ITIH5: variants seen among roughly 807,000 people sequenced by gnomAD.
The protein encoded by ITIH5 is inter-alpha-trypsin inhibitor heavy chain 5.
In ITIH5, 65 loss-of-function variants were observed where a neutral mutation model predicts 77.5. That is an observed-to-expected ratio of 0.84 (90% confidence interval 0.69 to 1.03). The LOEUF is 1.03. Ranked by LOEUF, ITIH5 falls within the 50% of genes least tolerant of loss-of-function variation. The probability of loss-of-function intolerance (pLI) is 0.00; values close to 1 mark genes in which losing one functional copy is unlikely to be tolerated. For missense variants in ITIH5, 1,208 were observed against 1,213.1 expected (o/e 1.00, Z 0.06); for synonymous variants, 525 against 494.3 (o/e 1.06, Z -0.82).
At chr10:7,570,061 A>G in intron 11 of ITIH5, 2 of 254,244 alleles carry the variant, frequency 7.9e-6, no homozygotes, top group Non-Finnish European at 1.5e-5. Flanking sequence ...CTAGACAACT[A>G]AGCTTTGAGA....
At chr10:7,578,892 G>T (rs528747680) in intron 9 of ITIH5, among the ~76,000 whole-genome samples, 3 of 152,284 alleles carry the variant, frequency 2.0e-5, no homozygotes, top group African/African-American at 2.4e-5. Context: ...TCATTTAAAA[G>T]ATCTCATTTA....
At chr10:7,644,865 TATATATCAC>T (rs1564278309) in intron 2 of ITIH5, among the ~76,000 whole-genome samples, 3 of 130,244 alleles carry the variant, frequency 2.3e-5, no homozygotes, top group African/African-American at 3.1e-5. Context: ...ATGTATCACA[TATATATCAC>T]ATATATATAT....
chr10:7,564,879 TAC>T (rs971842209), intron 13 of ITIH5, among the ~76,000 whole-genome samples: 19 of 143,560 alleles, frequency 1.3e-4, no homozygotes, highest in African/African-American at 3.1e-4. Context: ...TGTATATGTA[TAC>T]ACACACACAT....
At chr10:7,589,332 C>T (rs536245101) in intron 7 of ITIH5, among the ~76,000 whole-genome samples, 3 of 152,102 alleles carry the variant, frequency 2.0e-5, no homozygotes, top group East Asian at 1.9e-4. Context: ...TGGTGGCACG[C>T]GCCTGTAATC....
Position 7,638,401 on chromosome 10 carries a change from C to T in ITIH5, c.402-923G>A, listed in dbSNP as rs571120108. ...AGAATGAATGAAAAGAGACTGACACCGAAACCCGCCATTGTAAAACTTCAG... is the reference window on the plus strand; with the variant it reads ...AGAATGAATGAAAAGAGACTGACACTGAAACCCGCCATTGTAAAACTTCAG... On this transcript the variant is annotated intron_variant, in intron 4 of 13. Transcript: ENST00000397146. Among the ~76,000 whole-genome samples, 8 of 152,094 alleles carry T rather than the reference C, an allele frequency of 5.3e-5. No individual in the cohort carries two copies. In the South Asian group the frequency reaches 1.0e-3, roughly 20 times the overall value.
At chr10:7,657,152 C>T (rs1191316540) in intron 1 of ITIH5, among the ~76,000 whole-genome samples, 1 of 150,178 alleles carries the variant, frequency 6.7e-6, no homozygotes, top group East Asian at 2.0e-4. Flanking sequence ...TCAAGCGATT[C>T]CCCTGCCTTA....
chr10:7,630,581 C>T (rs1168954807), intron 5 of ITIH5, among the ~76,000 whole-genome samples: 1 of 152,136 alleles, frequency 6.6e-6, no homozygotes, highest in Non-Finnish European at 1.5e-5. Context: ...GTGTTGAGCA[C>T]CTTTTCTGAT....
Position 7,586,072 on chromosome 10 carries a change from A to T in ITIH5, c.940-3T>A, listed in dbSNP as rs776012788. ...ATTGTGAAGAGGGCATCCTTGGTCT[A>T]GGCAAACACAAAAGCAAAACCAGTC... On this transcript the variant is annotated splice_region_variant and splice_polypyrimidine_tract_variant and intron_variant, in intron 7 of 13. Transcript: ENST00000397146. The T allele has an allele frequency of 1.9e-6, 3 of 1,610,952 alleles. No individual in the cohort carries two copies. The South Asian group carries it at 3.3e-5, about 18-fold the overall frequency.
chr10:7,563,144 A>T lies in ITIH5; in HGVS notation c.2768T>A (p.Leu923Gln). The T allele has an allele frequency of 6.2e-7, 1 of 1,614,086 alleles. No homozygotes were observed. Among genetic ancestry groups the T allele is most frequent in the South Asian group, 1.1e-5 (1 of 91,086 alleles). Residue 923 changes from leucine to glutamine, a missense_variant, in exon 14 of 14, where the codon CTG becomes CAG. Transcript: ENST00000397146. ...KLIDGEYKDY[L>Q]ASHPFDTGMT... is the part of the protein sequence containing the mutation. ...CCCTGTGTCAAATGGATGGGATGCC[A>T]GGTAATCCTTGTACTCCCCGTCAAT... is the stretch of plus-strand genomic sequence containing the variant.
At chr10:7,639,366 C>G (rs779271694) in intron 4 of ITIH5, among the ~76,000 whole-genome samples, 1 of 152,184 alleles carries the variant, frequency 6.6e-6, no homozygotes, top group Non-Finnish European at 1.5e-5. Context: ...TTAGAAACTA[C>G]GACATTAAGA....
chr10:7,636,894 A>C (rs1478162623), intron 5 of ITIH5, among the ~76,000 whole-genome samples: 1 of 152,146 alleles, frequency 6.6e-6, no homozygotes, highest in Non-Finnish European at 1.5e-5. Flanking sequence ...TCGACTAAAA[A>C]TACAAAATTA....
chr10:7,579,067 C>T (rs748658224), intron 9 of ITIH5, among the ~76,000 whole-genome samples: 1 of 152,226 alleles, frequency 6.6e-6, no homozygotes, highest in African/African-American at 2.4e-5. Flanking sequence ...TTTGAAATAT[C>T]AGGATGTCAA....
intron 5 of ITIH5, among the ~76,000 whole-genome samples, chr10:7,627,503 CA>C (rs947044570): frequency 2.0e-4 from 31 of 152,270 alleles, no homozygotes; most frequent in African/African-American, 7.2e-4. Context: ...CCAGGTCTTC[CA>C]AATAAAAGGT....
chr10:7,592,953 G>A (rs1373522904), intron 7 of ITIH5, among the ~76,000 whole-genome samples: 1 of 152,118 alleles, frequency 6.6e-6, no homozygotes, highest in Non-Finnish European at 1.5e-5. Context: ...CACACTGCTG[G>A]GCCCAGAGTG....
chr10:7,601,389 G>T (rs1352954158), intron 7 of ITIH5, among the ~76,000 whole-genome samples: 1 of 152,206 alleles, frequency 6.6e-6, no homozygotes, highest in Non-Finnish European at 1.5e-5. Flanking sequence ...TGTCCTCACA[G>T]AAGCAAATCT....
intron 12 of ITIH5, among the ~76,000 whole-genome samples, chr10:7,567,693 CA>C (rs1186001179): frequency 2.0e-5 from 3 of 151,924 alleles, no homozygotes; most frequent in African/African-American, 7.3e-5. Context: ...TGTTTTTGTC[CA>C]AAAACTCAAG....
chr10:7,630,472 C>A (rs1833693734), intron 5 of ITIH5, among the ~76,000 whole-genome samples: 5 of 152,224 alleles, frequency 3.3e-5, no homozygotes, highest in Admixed American at 6.5e-5. Context: ...AATTTTTCCA[C>A]ATCTTCCCCA....
rs140876027 is a variant in ITIH5 at position 7,576,643 on chromosome 10, C to T, written c.1788G>A (p.Pro596=). 1.5e-5 allele frequency: 25 copies of T among 1,614,172 alleles called. No homozygotes were observed. The highest frequency in any genetic ancestry group is 1.6e-4 in the Middle Eastern group (1 of 6,062). ...CCCGCTGCCGCAGCCGCTCCTTCTC[C>T]GGTTCATCGTCACTTTGCAGCCAGG... The part of the protein sequence containing the change: ...LSSWLQSDDE[P]EKERLRQRAQ... The change falls in exon 10 of 14, where the codon CCG becomes CCA. Residue 596 remains proline, a synonymous_variant. Transcript: ENST00000397146.
intron 5 of ITIH5, among the ~76,000 whole-genome samples, chr10:7,635,575 A>C (rs1048308234): frequency 3.9e-5 from 6 of 152,158 alleles, no homozygotes; most frequent in Admixed American, 3.3e-4. Flanking sequence ...CATTGTTTGG[A>C]GTCAACACAT....
Sources: allele counts gnomAD v4.1 joint callset (sites outside exome capture counted in the v4.1 genomes callset), GRCh38; gene constraint gnomAD v4.1.1; transcripts MANE v1.5; gene names NCBI Gene and HGNC (gene_info 2026-07-23, HGNC 2026-07-21).